Variants in ACSL6 observed in about 807,000 individuals in gnomAD.
ACSL6 encodes long-chain-fatty-acid--CoA ligase 6.
Under a neutral mutation model 98.2 loss-of-function variants are expected in ACSL6, and 47 were observed. The ratio of observed to expected loss-of-function variants is 0.48; its 90% CI spans 0.38 to 0.61. The LOEUF is 0.61. ACSL6 is among the 20% of genes least tolerant of loss of function. The probability of loss-of-function intolerance (pLI) is 0.00; values close to 1 mark genes in which losing one functional copy is unlikely to be tolerated. For synonymous variants in ACSL6, 362 were observed against 336.9 expected (o/e 1.07, Z -0.82); for missense variants, 761 against 913.4 (o/e 0.83, Z 2.15).
chr5:131,972,598 T>C (rs1379735954), intron 13 of ACSL6, 126 bp downstream of exon 13: 1 of 1,181,122 alleles, frequency 8.5e-7, no homozygotes, highest in Admixed American at 2.4e-5. Context: ...AGCTTTGATT[T>C]CATGAGCAAA....
chr5:131,995,054 G>A (rs1375563537), intron 1 of ACSL6, among the ~76,000 whole-genome samples: 1 of 152,186 alleles, frequency 6.6e-6, no homozygotes, highest in Non-Finnish European at 1.5e-5. Flanking sequence ...GCGGAGTGCT[G>A]TGTGCGCTCC....
intron 8 of ACSL6, among the ~76,000 whole-genome samples, chr5:131,985,674 G>C (rs1423163646): frequency 1.3e-5 from 2 of 152,222 alleles, no homozygotes; most frequent in Admixed American, 6.5e-5. Flanking sequence ...AACCTAACTG[G>C]GGTGTGAACA....
chr5:131,990,806 C>T (rs1326938729), intron 3 of ACSL6, 47 bp downstream of exon 3: 1 of 1,558,436 alleles, frequency 6.4e-7, no homozygotes, highest in Non-Finnish European at 8.7e-7. Flanking sequence ...ACCCACTCCA[C>T]CCCTGCCACA....
intron 9 of ACSL6, 107 bp downstream of exon 9, chr5:131,985,300 G>T: frequency 7.1e-7 from 1 of 1,410,730 alleles, no homozygotes; most frequent in Non-Finnish European, 9.8e-7. Flanking sequence ...ACAAGACAAG[G>T]CTCAGCCCAT....
chr5:131,990,175 A>G lies in ACSL6; in HGVS notation c.386-11T>C. On this transcript the variant is annotated splice_polypyrimidine_tract_variant and intron_variant, in intron 3 of 20. Coordinates refer to ENST00000651883, the MANE Select transcript of ACSL6 (RefSeq NM_001009185.3). ...GACAGGGCCCATTCCCTGTAGAGAG[A>G]TAAGAAAGCCTTGTGTCAGAGAGGG... 1 of 1,613,866 alleles carries G rather than the reference A, an allele frequency of 6.2e-7. No individual in the cohort carries two copies. Among genetic ancestry groups the G allele is most frequent in the Non-Finnish European group, 8.5e-7 (1 of 1,179,870 alleles).
intron 3 of ACSL6, 151 bp from the exon 4 acceptor site, chr5:131,990,315 T>C (rs1036892562): frequency 5.5e-6 from 4 of 723,908 alleles, no homozygotes; most frequent in Admixed American, 2.3e-5. Context: ...GCTACCTGTC[T>C]AATCTGCTGA....
Position 131,974,966 on chromosome 5 carries a change from A to G in ACSL6, c.995T>C (p.Val332Ala), listed in dbSNP as rs1753538021. The change falls in exon 11 of 21, where the codon GTG (valine) becomes GCG (alanine). Residue 332 changes from valine (V) to alanine (A), a missense_variant. By Grantham distance (64) the Val-to-Ala change is moderately conservative (BLOSUM62 0). Coordinates refer to ENST00000651883, the MANE Select transcript of ACSL6 (RefSeq NM_001009185.3). ...CACATCGTCCTGTCTCGGAAAGATC[A>G]CTTTCTGCAGGCGACGGGCATGGGA... ...FSGFLKVTEK[V>A]IFPRQDDVLI... 1 of 1,613,902 alleles carries G rather than the reference A, an allele frequency of 6.2e-7. No individual in the cohort carries two copies. The highest frequency in any genetic ancestry group is 1.3e-5 in the African/African-American group (1 of 75,034).
chr5:131,965,883 T>C (rs143511853), intron 17 of ACSL6, among the ~76,000 whole-genome samples: 261 of 152,238 alleles, frequency 1.7e-3, no homozygotes, highest in African/African-American at 4.4e-3. Context: ...GAAGGCTTGT[T>C]CTCCTGTTCT....
At position 131,961,641 on chromosome 5, in the gene ACSL6, G is replaced by T. The variant is rs138919026; in HGVS notation, c.1857+894C>A. Among the ~76,000 whole-genome samples, 880 of 152,170 alleles carry T rather than the reference G, an allele frequency of 5.8e-3. 4 individuals are homozygous for T. The highest frequency in any genetic ancestry group is 0.01 in the Middle Eastern group (3 of 294). On this transcript the variant is annotated intron_variant, in intron 18 of 20. Transcript: ENST00000651883. ...GAACCCTGGGGGTAGAGGCTGCAGT[G>T]AGCCGAGATTGTGCCACTGCACTCC... is the stretch of plus-strand genomic sequence containing the variant.
intron 15 of ACSL6, among the ~76,000 whole-genome samples, chr5:131,969,639 G>A (rs1489626672): frequency 2.6e-5 from 4 of 152,174 alleles, no homozygotes; most frequent in African/African-American, 9.7e-5. Flanking sequence ...TTAGAATGAA[G>A]GAAGCAGGCT....
chr5:131,974,979 G>C lies in ACSL6; in HGVS notation c.991-9C>G, dbSNP rs150654858. 9.5e-4 allele frequency: 1,529 copies of C among 1,613,306 alleles called. 11 individuals are homozygous for C. Among genetic ancestry groups the C allele is most frequent in the Middle Eastern group, 8.1e-3 (49 of 6,062 alleles). ...CTCGGAAAGATCACTTTCTGCAGGC[G>C]ACGGGCATGGGAGACAGAAAGGAAA... is the stretch of plus-strand genomic sequence containing the variant. On this transcript the variant is annotated splice_polypyrimidine_tract_variant and intron_variant, in intron 10 of 20. Transcript: ENST00000651883.
chr5:131,988,297 C>T, intron 6 of ACSL6, 71 bp from the exon 7 acceptor site: 1 of 1,540,206 alleles, frequency 6.5e-7, no homozygotes, highest in Non-Finnish European at 8.9e-7. Flanking sequence ...ATGTGCCAGG[C>T]AGCACATGCC....
At chr5:131,966,856 C>T (rs1012601763) in intron 16 of ACSL6, among the ~76,000 whole-genome samples, 4 of 152,210 alleles carry the variant, frequency 2.6e-5, no homozygotes, top group Non-Finnish European at 5.9e-5. Context: ...ATATTGATGG[C>T]TGGCTGATTC....
chr5:131,960,133 C>T (rs529874127), intron 19 of ACSL6, among the ~76,000 whole-genome samples: 109 of 152,294 alleles, frequency 7.2e-4, no homozygotes, highest in African/African-American at 2.4e-3. Flanking sequence ...GACACAAAAT[C>T]CACCTTACAT....
chr5:131,986,983 ACACACACAC>A, intron 7 of ACSL6, 129 bp from the exon 8 acceptor site: 1 of 54,342 alleles, frequency 1.8e-5, no homozygotes. Flanking sequence ...CCACACACTC[ACACACACAC>A]ACACACACCA....
At chr5:131,975,791 C>G (rs1753582089) in intron 10 of ACSL6, 1 of 985,380 alleles carries the variant, frequency 1.0e-6, no homozygotes, top group South Asian at 4.7e-5. Context: ...CTCTCCTCTG[C>G]TGGACTTCCC....
Position 131,954,113 on chromosome 5 carries a change from G to C in ACSL6, c.*121C>G. 9.8e-7 allele frequency: 1 copy of C among 1,016,526 alleles called. No individual in the cohort carries two copies. The highest frequency in any genetic ancestry group is 1.3e-6 in the Non-Finnish European group (1 of 750,738). The allele number at this position is 1,016,526 out of a possible 1,614,324, so 63.0% of individuals were successfully genotyped here. Reference sequence around the variant, plus strand: ...TAAAGACCTCTTGGGACAGGAAAAGGCTCAGTCATAAAATCAGATGCTTAT... The same window carrying C: ...TAAAGACCTCTTGGGACAGGAAAAGCCTCAGTCATAAAATCAGATGCTTAT... On this transcript the variant is annotated 3_prime_UTR_variant, in exon 21 of 21. Coordinates refer to ENST00000651883, the MANE Select transcript of ACSL6 (RefSeq NM_001009185.3).
intron 3 of ACSL6, among the ~76,000 whole-genome samples, chr5:131,990,648 G>A (rs1022332333): frequency 6.6e-6 from 1 of 152,188 alleles, no homozygotes; most frequent in Non-Finnish European, 1.5e-5. Context: ...CCAAGGGCTG[G>A]AACAAAGCTG....
At position 131,960,596 on chromosome 5, in the gene ACSL6, G is replaced by A. The variant is rs755882272; in HGVS notation, c.1883C>T (p.Pro628Leu). Residue 628 changes from proline to leucine, a missense_variant, in exon 19 of 21, where the codon CCT becomes CTT. Pro to Leu is a moderately conservative substitution (Grantham distance 98). Coordinates refer to ENST00000651883, the MANE Select transcript of ACSL6 (RefSeq NM_001009185.3). ...LKAFLVGIVVPDPEVMPSWAQ... is the reference protein window; with the variant it reads ...LKAFLVGIVVLDPEVMPSWAQ... ...CCAGGAGGGCATAACTTCAGGGTCA[G>A]GCACAACAATGCCTACCAAAAAGGC... 6.8e-6 allele frequency: 11 copies of A among 1,613,964 alleles called. No individual in the cohort carries two copies. The highest frequency in any genetic ancestry group is 2.7e-5 in the African/African-American group (2 of 74,908).
Sources: allele counts gnomAD v4.1 joint callset (sites outside exome capture counted in the v4.1 genomes callset), GRCh38; gene constraint gnomAD v4.1.1; transcripts MANE v1.5; gene names NCBI Gene and HGNC (gene_info 2026-07-23, HGNC 2026-07-21).